C8orf34: variants seen among roughly 807,000 people sequenced by gnomAD.
C8orf34 encodes chromosome 8 open reading frame 34, also known as uncharacterized protein C8orf34.
A neutral mutation model predicts 68.3 loss-of-function variants in C8orf34; 65 were observed. The observed-to-expected ratio is 0.95, with a 90% confidence interval of 0.78 to 1.17. The LOEUF (loss-of-function observed/expected upper bound fraction) is 1.17. Among genes scored for constraint, C8orf34 ranks in the 50% most tolerant of loss-of-function variants. The pLI is 0.00. For synonymous variants in C8orf34, 244 were observed against 241.2 expected (o/e 1.01, Z -0.11); for missense variants, 664 against 655.4 (o/e 1.01, Z -0.14).
chr8:68,636,587 TA>T (rs1329629636), intron 7 of C8orf34, among the ~76,000 whole-genome samples: 2 of 151,880 alleles, frequency 1.3e-5, no homozygotes, highest in Non-Finnish European at 2.9e-5. Flanking sequence ...TCTGTCTCAA[TA>T]AAAAATAAAT....
intron 8 of C8orf34, among the ~76,000 whole-genome samples, chr8:68,697,360 A>G (rs958656729): frequency 6.6e-6 from 1 of 152,092 alleles, no homozygotes; most frequent in South Asian, 2.1e-4. Flanking sequence ...GAATTGGTAT[A>G]TACCTAGACT....
At chr8:68,381,348 G>A (rs1016409470) in intron 1 of C8orf34, among the ~76,000 whole-genome samples, 1 of 152,050 alleles carries the variant, frequency 6.6e-6, no homozygotes, top group African/African-American at 2.4e-5. Flanking sequence ...TTGTATTTTC[G>A]GGTTTGCAAA....
chr8:68,761,329 G>A (rs956221241), intron 10 of C8orf34, among the ~76,000 whole-genome samples: 5 of 152,136 alleles, frequency 3.3e-5, no homozygotes, highest in Non-Finnish European at 5.9e-5. Context: ...GCTCACTACT[G>A]TACCTTGCCC....
chr8:68,749,701 T>A (rs976235942), intron 10 of C8orf34, among the ~76,000 whole-genome samples: 1 of 152,200 alleles, frequency 6.6e-6, no homozygotes, highest in African/African-American at 2.4e-5. Flanking sequence ...ATACTGTATA[T>A]GTTATTTTAG....
intron 7 of C8orf34, among the ~76,000 whole-genome samples, chr8:68,606,922 T>A (rs1384852790): frequency 6.6e-6 from 1 of 152,140 alleles, no homozygotes; most frequent in Non-Finnish European, 1.5e-5. Context: ...TAATTTAAGA[T>A]CTCCATGTGT....
Position 68,794,498 on chromosome 8 carries a change from TA to T in C8orf34, c.1549+6963del, listed in dbSNP as rs1563673989. On this transcript the variant is annotated intron_variant, in intron 12 of 13. Transcript: ENST00000518698. ...ATAAATATAAATATATATATATATA[TA>T]TATATATTTTTTTTTTTTTTTTTTA... Among the ~76,000 whole-genome samples, 97 of 89,392 alleles carry T rather than the reference TA, an allele frequency of 1.1e-3. 2 individuals are homozygous for T. The highest frequency in any genetic ancestry group is 6.5e-3 in the African/African-American group (94 of 14,562). The allele number at this position is 89,392 out of a possible 152,430, so 58.6% of individuals were successfully genotyped here. A position where few individuals can be genotyped will look rare whatever the true frequency, so the allele number is the denominator to read the frequency against.
chr8:68,605,903 C>T (rs1053518950), intron 7 of C8orf34, among the ~76,000 whole-genome samples: 1 of 152,054 alleles, frequency 6.6e-6, no homozygotes, highest in African/African-American at 2.4e-5. Flanking sequence ...AATGTAGGTC[C>T]ATCAGTTGTA....
At chr8:68,649,727 G>A (rs1429280848) in intron 8 of C8orf34, among the ~76,000 whole-genome samples, 2 of 152,166 alleles carry the variant, frequency 1.3e-5, no homozygotes, top group African/African-American at 4.8e-5. Context: ...TTATGCATAT[G>A]TGTGCACACT....
At position 68,617,132 on chromosome 8, in the gene C8orf34, A is replaced by G. The variant is rs1436935146; in HGVS notation, c.1106-23244A>G. Reference sequence around the variant, plus strand: ...CAACTCCTGCCTTTTTTTGTTTTCCATTTGCTTGGTAGATCTTCCTCCATC... The same window carrying G: ...CAACTCCTGCCTTTTTTTGTTTTCCGTTTGCTTGGTAGATCTTCCTCCATC... On this transcript the variant is annotated intron_variant, in intron 7 of 13. Transcript: ENST00000518698. 2.0e-5 allele frequency among the ~76,000 whole-genome samples: 3 copies of G among 151,606 alleles called. No individual in the cohort carries two copies. In the South Asian group the frequency reaches 6.3e-4, roughly 32 times the overall value.
chr8:68,724,295 A>C (rs1821764314), intron 10 of C8orf34, among the ~76,000 whole-genome samples: 2 of 152,188 alleles, frequency 1.3e-5, no homozygotes, highest in Admixed American at 6.5e-5. Flanking sequence ...CTTTTTCTTT[A>C]TTACCGTAAG....
intron 7 of C8orf34, among the ~76,000 whole-genome samples, chr8:68,600,004 C>T (rs2130486180): frequency 6.6e-6 from 1 of 151,992 alleles, no homozygotes; most frequent in South Asian, 2.1e-4. Flanking sequence ...ACATCTATGG[C>T]CAATAAGAAA....
intron 1 of C8orf34, among the ~76,000 whole-genome samples, chr8:68,341,795 G>A (rs540973374): frequency 5.2e-4 from 79 of 152,280 alleles, no homozygotes; most frequent in African/African-American, 1.3e-3. Context: ...CCAGTGCCAT[G>A]CTTCTTGTAT....
Position 68,492,659 on chromosome 8 carries a change from C to T in C8orf34, c.765+4608C>T, listed in dbSNP as rs73264496. Among the ~76,000 whole-genome samples, 1,283 of 152,126 alleles carry T rather than the reference C, an allele frequency of 8.4e-3. 18 individuals are homozygous for T. Among genetic ancestry groups the T allele is most frequent in the African/African-American group, 0.027 (1,128 of 41,498 alleles). ...GAAATAGGGTAAAGTAGCCAGAAGA[C>T]AGTACTTCTAGGTCATAGTTTTATT... is the stretch of plus-strand genomic sequence containing the variant. On this transcript the variant is annotated intron_variant, in intron 5 of 13. Coordinates refer to ENST00000518698, the MANE Select transcript of C8orf34 (RefSeq NM_052958.4).
intron 4 of C8orf34, 56 bp downstream of exon 4, chr8:68,468,876 C>G (rs1480842734): frequency 9.0e-6 from 14 of 1,556,306 alleles, no homozygotes; most frequent in Non-Finnish European, 1.2e-5. Context: ...AAAGCCGAAG[C>G]ATTCATTACT....
At chr8:68,590,235 AGGAG>A (rs1817346736) in intron 7 of C8orf34, among the ~76,000 whole-genome samples, 1 of 151,112 alleles carries the variant, frequency 6.6e-6, no homozygotes, top group African/African-American at 2.4e-5. Flanking sequence ...GGGAAACAAA[AGGAG>A]GGAGAGAGGG....
At chr8:68,423,224 TC>T (rs1810060914) in intron 1 of C8orf34, among the ~76,000 whole-genome samples, 1 of 152,182 alleles carries the variant, frequency 6.6e-6, no homozygotes, top group Admixed American at 6.5e-5. Flanking sequence ...CTGCAAATTT[TC>T]TAAGCTTTTT....
chr8:68,375,732 T>C (rs1807764173), intron 1 of C8orf34, among the ~76,000 whole-genome samples: 1 of 152,238 alleles, frequency 6.6e-6, no homozygotes, highest in South Asian at 2.1e-4. Context: ...TGTCTTACCT[T>C]GACCTACTGT....
intron 7 of C8orf34, among the ~76,000 whole-genome samples, chr8:68,579,237 C>G (rs184460830): frequency 6.6e-6 from 1 of 152,094 alleles, no homozygotes; most frequent in African/African-American, 2.4e-5. Flanking sequence ...TTCTAAAAGA[C>G]CTTTATCAAA....
intron 7 of C8orf34, among the ~76,000 whole-genome samples, chr8:68,577,233 C>T (rs1816931979): frequency 6.6e-6 from 1 of 151,878 alleles, no homozygotes; most frequent in African/African-American, 2.4e-5. Flanking sequence ...ACACATTGAA[C>T]CAAAACTAGC....
Sources: gnomAD v4.1 joint callset for allele counts (sites outside exome capture counted in the v4.1 genomes callset) on GRCh38, gnomAD v4.1.1 for gene constraint, MANE v1.5 for transcripts, NCBI Gene and HGNC (gene_info 2026-07-23, HGNC 2026-07-21) for gene names.